NME9: variants seen among roughly 807,000 people sequenced by gnomAD.
NME9 encodes the protein thioredoxin domain-containing protein 6.
A neutral mutation model predicts 44.4 loss-of-function variants in NME9; 48 were observed. The ratio of observed to expected loss-of-function variants is 1.08; its 90% CI spans 0.86 to 1.37. The LOEUF is 1.37. NME9 is among the 40% of genes most tolerant of loss of function. The pLI is 0.00. For synonymous variants in NME9, 139 were observed against 147.1 expected (o/e 0.94, Z 0.40); for missense variants, 325 against 405.2 (o/e 0.80, Z 1.70).
In NME9 at chr3:138,271,798, C is replaced by CTTTTTTTTTTTTTTTTTTTT. The variant is rs776320900; in HGVS notation, c.746-9213_746-9212insAAAAAAAAAAAAAAAAAAAA. ...AGTTCACAAGATTTTTTTTTTCTTT[C>CTTTTTTTTTTTTTTTTTTTT]TTTTTTTTTTTTTTTGATACAGAGT... On this transcript the variant is annotated intron_variant, in intron 8 of 8. Transcript: ENST00000317876. Among the ~76,000 whole-genome samples the CTTTTTTTTTTTTTTTTTTTT allele has an allele frequency of 4.3e-4, 58 of 136,126 alleles. 2 individuals are homozygous for CTTTTTTTTTTTTTTTTTTTT. The highest frequency in any genetic ancestry group is 1.6e-3 in the African/African-American group (57 of 35,282). The allele number at this position is 136,126 out of a possible 152,430, so 89.3% of individuals were successfully genotyped here.
chr3:138,303,266 C>T (rs1157840516), intron 10 of NME9: 2 of 399,674 alleles, frequency 5.0e-6, no homozygotes, highest in African/African-American at 2.0e-5. Context: ...AATATGACTC[C>T]AAGATAAGCA....
intron 8 of NME9, 119 bp downstream of exon 8, chr3:138,305,885 C>T: frequency 1.4e-6 from 1 of 729,224 alleles, no homozygotes; most frequent in Non-Finnish European, 2.5e-6. Flanking sequence ...GACCCACTTG[C>T]TGTTCCTATT....
chr3:138,279,999 G>A (rs912962062), intron 8 of NME9, among the ~76,000 whole-genome samples: 1 of 151,832 alleles, frequency 6.6e-6, no homozygotes. Context: ...TGCCTCCCGG[G>A]TTCAAACCTT....
At position 138,319,471 on chromosome 3, in the gene NME9, A is replaced by G. The variant is rs1174308721; in HGVS notation, c.195+7T>C. On this transcript the variant is annotated splice_region_variant and intron_variant, in intron 3 of 10. Coordinates refer to ENST00000333911, the MANE Select transcript of NME9 (RefSeq NM_001349018.2). ...TTGTATGACTGTTGGCTGAGAGAGAATCTTACTAATGCAAAGTGCAGAAGG... is the reference window on the plus strand; with the variant it reads ...TTGTATGACTGTTGGCTGAGAGAGAGTCTTACTAATGCAAAGTGCAGAAGG... 6.7e-7 allele frequency: 1 copy of G among 1,494,716 alleles called. No individual in the cohort carries two copies. The highest frequency in any genetic ancestry group is 9.3e-7 in the Non-Finnish European group (1 of 1,071,224). The allele number at this position is 1,494,716 out of a possible 1,614,324, so 92.6% of individuals were successfully genotyped here.
intron 8 of NME9, chr3:138,263,711 T>C (rs753431590): frequency 7.6e-6 from 12 of 1,571,134 alleles, no homozygotes; most frequent in Non-Finnish European, 1.1e-5. Flanking sequence ...CATGTTGTTA[T>C]TTATGCAGCA....
downstream of NME9, among the ~76,000 whole-genome samples, chr3:138,300,254 C>G (rs894380811): frequency 3.3e-5 from 5 of 152,194 alleles, no homozygotes; most frequent in African/African-American, 1.2e-4. Context: ...ACAGTAGGGC[C>G]TACTGAAGGT....
rs558523208 is a variant in NME9 at position 138,265,560 on chromosome 3, A to G, written c.746-2974T>C. Among the ~76,000 whole-genome samples the G allele has an allele frequency of 2.6e-5, 4 of 152,338 alleles. No homozygotes were observed. In the East Asian group the frequency reaches 7.7e-4, roughly 29 times the overall value. ...TTAGGTTTAGGAGGCGGGGGCATCA[A>G]TGTGGCAGAAATAGGCAAGAGACCA... On this transcript the variant is annotated intron_variant, in intron 8 of 8. Transcript: ENST00000317876.
chr3:138,281,212 G>A (rs1456578237), intron 8 of NME9, among the ~76,000 whole-genome samples: 1 of 151,656 alleles, frequency 6.6e-6, no homozygotes, highest in Non-Finnish European at 1.5e-5. Flanking sequence ...TACATTAATG[G>A]TGTGGGTGTG....
intron 8 of NME9, chr3:138,262,597 T>TAAAA: frequency 2.9e-6 from 4 of 1,380,872 alleles, no homozygotes; most frequent in Non-Finnish European, 3.9e-6. Context: ...CTGAGGAGAT[T>TAAAA]AAAAAAAAAA....
At chr3:138,289,792 T>C (rs978770392) in intron 8 of NME9, among the ~76,000 whole-genome samples, 24 of 152,220 alleles carry the variant, frequency 1.6e-4, no homozygotes, top group Non-Finnish European at 3.5e-4. Context: ...TAGAATCACC[T>C]GGGGAAGTTT....
downstream of NME9, among the ~76,000 whole-genome samples, chr3:138,298,869 C>T (rs994491888): frequency 6.6e-6 from 1 of 152,196 alleles, no homozygotes; most frequent in African/African-American, 2.4e-5. Flanking sequence ...CCAAGGACAC[C>T]TGCGCCAGAG....
chr3:138,316,316 A>G (rs527248811), intron 4 of NME9, among the ~76,000 whole-genome samples: 4 of 152,226 alleles, frequency 2.6e-5, no homozygotes, highest in Admixed American at 1.3e-4. Context: ...ATTATTGAGC[A>G]CTTACTATAC....
chr3:138,297,062 C>T (rs934855925), downstream of NME9: 7 of 152,194 alleles, frequency 4.6e-5, no homozygotes, highest in African/African-American at 1.7e-4. Flanking sequence ...AGAAAGCTTT[C>T]TGTTAGCTGT....
intron 2 of NME9, among the ~76,000 whole-genome samples, chr3:138,323,361 A>G (rs992651475): frequency 2.6e-5 from 4 of 152,232 alleles, no homozygotes; most frequent in Non-Finnish European, 5.9e-5. Context: ...GGTTGTAGTG[A>G]GCCAAGATTG....
At chr3:138,305,953 G>T in intron 8 of NME9, 51 bp downstream of exon 8, 2 of 1,176,940 alleles carry the variant, frequency 1.7e-6, no homozygotes, top group Non-Finnish European at 2.6e-6. Context: ...GCATAATGTT[G>T]GAGGAAGAGA....
intron 2 of NME9, among the ~76,000 whole-genome samples, chr3:138,320,941 T>C (rs914215926): frequency 1.3e-5 from 2 of 152,254 alleles, no homozygotes; most frequent in Non-Finnish European, 2.9e-5. Context: ...GCTAATATCT[T>C]GGACTTGCCT....
At chr3:138,323,947 G>A (rs2108464721) in intron 2 of NME9, among the ~76,000 whole-genome samples, 1 of 152,218 alleles carries the variant, frequency 6.6e-6, no homozygotes. Flanking sequence ...CTGGAGTGTG[G>A]GCTGGACCTA....
chr3:138,274,430 AT>A (rs2049084084), intron 8 of NME9: 1 of 1,495,538 alleles, frequency 6.7e-7, no homozygotes, highest in Non-Finnish European at 9.3e-7. Flanking sequence ...ATAATTATGG[AT>A]TTCCCATTGT....
chr3:138,306,574 T>A, intron 6 of NME9, 94 bp from the exon 7 acceptor site: 1 of 728,642 alleles, frequency 1.4e-6, no homozygotes, highest in Non-Finnish European at 2.4e-6. Flanking sequence ...AAGGCTCCAT[T>A]GCACCAAGTG....
Sources: gnomAD v4.1 joint callset for allele counts (sites outside exome capture counted in the v4.1 genomes callset) on GRCh38, gnomAD v4.1.1 for gene constraint, MANE v1.5 for transcripts, NCBI Gene and HGNC (gene_info 2026-07-23, HGNC 2026-07-21) for gene names.